Variants in LRRTM4 observed in about 807,000 individuals in gnomAD.
The protein encoded by LRRTM4 is leucine rich repeat transmembrane neuronal 4.
In LRRTM4, 25 loss-of-function variants were observed where a neutral mutation model predicts 47.6. The ratio of observed to expected loss-of-function variants is 0.53; its 90% CI spans 0.38 to 0.73. LRRTM4 has a LOEUF of 0.73. Ranked by LOEUF, LRRTM4 falls within the 30% of genes least tolerant of loss-of-function variation. The pLI, the probability that LRRTM4 is intolerant of heterozygous loss-of-function variation, is 0.00. For synonymous variants in LRRTM4, 311 were observed against 269.5 expected, an observed-to-expected ratio of 1.15 and a Z score of -1.51; for missense variants, 638 against 713.4, an observed-to-expected ratio of 0.89 and a Z score of 1.20.
chr2:77,254,198 C>T (rs1426797793), intron 3 of LRRTM4, among the ~76,000 whole-genome samples: 1 of 151,610 alleles, frequency 6.6e-6, no homozygotes, highest in Non-Finnish European at 1.5e-5. Context: ...GATAAACATT[C>T]AAATGGCAGT....
chr2:77,156,099 T>A (rs2103795858), intron 3 of LRRTM4, among the ~76,000 whole-genome samples: 1 of 152,128 alleles, frequency 6.6e-6, no homozygotes, highest in Non-Finnish European at 1.5e-5. Context: ...GTAAATAAAG[T>A]ACTCTGAAAG....
At chr2:76,840,588 A>G (rs1245649267) in intron 3 of LRRTM4, among the ~76,000 whole-genome samples, 1 of 152,200 alleles carries the variant, frequency 6.6e-6, no homozygotes, top group African/African-American at 2.4e-5. Flanking sequence ...AACGAAGTCA[A>G]AAAGACTTAA....
intron 3 of LRRTM4, among the ~76,000 whole-genome samples, chr2:77,473,514 G>A (rs1410783437): frequency 6.6e-6 from 1 of 152,006 alleles, no homozygotes; most frequent in African/African-American, 2.4e-5. Context: ...CTAGAAATGA[G>A]CGGGGCTGGT....
intron 3 of LRRTM4, among the ~76,000 whole-genome samples, chr2:77,510,348 G>A (rs959353428): frequency 1.3e-5 from 2 of 152,066 alleles, no homozygotes; most frequent in African/African-American, 2.4e-5. Context: ...TCAGGAAGGA[G>A]GGAAGAATTG....
chr2:77,114,336 G>T (rs1227470983), intron 3 of LRRTM4, among the ~76,000 whole-genome samples: 1 of 152,080 alleles, frequency 6.6e-6, no homozygotes, highest in Non-Finnish European at 1.5e-5. Context: ...CCTGAATACG[G>T]TAACATATTT....
At chr2:76,813,305 G>A (rs777215278) in intron 3 of LRRTM4, among the ~76,000 whole-genome samples, 15 of 152,118 alleles carry the variant, frequency 9.9e-5, no homozygotes, top group Non-Finnish European at 1.5e-4. Context: ...TAAATCATCA[G>A]GAGTGGTATA....
chr2:77,060,255 A>G (rs540969090), intron 3 of LRRTM4, among the ~76,000 whole-genome samples: 1 of 152,310 alleles, frequency 6.6e-6, no homozygotes, highest in South Asian at 2.1e-4. Context: ...TAACTTAGAT[A>G]GTTATTGATG....
intron 3 of LRRTM4, among the ~76,000 whole-genome samples, chr2:77,073,058 T>G (rs1680214464): frequency 6.6e-6 from 1 of 152,146 alleles, no homozygotes; most frequent in Non-Finnish European, 1.5e-5. Context: ...AATATCAATC[T>G]GCATCCCAGA....
chr2:76,948,682 G>T lies in LRRTM4; in HGVS notation c.1552-199766C>A, dbSNP rs377692222. 5.3e-5 allele frequency among the ~76,000 whole-genome samples: 8 copies of T among 151,816 alleles called. No homozygotes were observed. The South Asian group carries it at 1.2e-3, about 24-fold the overall frequency. On this transcript the variant is annotated intron_variant, in intron 3 of 3. Transcript: ENST00000409884. ...ATTGCTGCGCCACTGAATTTCAAAA[G>T]AATTCATTATGATTAATAATATTAC... is the stretch of plus-strand genomic sequence containing the variant.
intron 3 of LRRTM4, among the ~76,000 whole-genome samples, chr2:76,957,161 A>G (rs1020433149): frequency 5.3e-5 from 8 of 151,750 alleles, no homozygotes; most frequent in Admixed American, 1.3e-4. Flanking sequence ...TACCAGTGAT[A>G]GAAGGACAAA....
At chr2:77,293,137 T>C (rs1452133286) in intron 3 of LRRTM4, among the ~76,000 whole-genome samples, 1 of 152,068 alleles carries the variant, frequency 6.6e-6, no homozygotes, top group African/African-American at 2.4e-5. Flanking sequence ...GAAAGTAGAA[T>C]GAAAATGTAT....
intron 3 of LRRTM4, among the ~76,000 whole-genome samples, chr2:76,889,282 T>C (rs1475695689): frequency 6.6e-6 from 1 of 151,966 alleles, no homozygotes; most frequent in African/African-American, 2.4e-5. Context: ...CACAAATCTC[T>C]AAACTAGAGG....
At chr2:77,287,128 G>A (rs1389065311) in intron 3 of LRRTM4, among the ~76,000 whole-genome samples, 1 of 151,984 alleles carries the variant, frequency 6.6e-6, no homozygotes, top group East Asian at 1.9e-4. Flanking sequence ...TGGAAATGTG[G>A]GTTACACAAC....
At chr2:77,216,025 C>G (rs1674426828) in intron 3 of LRRTM4, among the ~76,000 whole-genome samples, 1 of 152,086 alleles carries the variant, frequency 6.6e-6, no homozygotes, top group African/African-American at 2.4e-5. Flanking sequence ...TAGAGCTGGT[C>G]TAAGAAGAAA....
Position 76,994,584 on chromosome 2 carries a change from G to A in LRRTM4, c.1552-245668C>T, listed in dbSNP as rs1381735158. Among the ~76,000 whole-genome samples the A allele has an allele frequency of 2.6e-5, 4 of 151,962 alleles. No individual in the cohort carries two copies. In the East Asian group the frequency reaches 5.8e-4, roughly 22 times the overall value. ...TTGTGGCAGGCTAACCTATTTGCTT[G>A]TAAATAGGATAAAATTTCAAATCCT... On this transcript the variant is annotated intron_variant, in intron 3 of 3. Transcript: ENST00000409884.
chr2:76,917,547 T>G (rs776577455), intron 3 of LRRTM4, among the ~76,000 whole-genome samples: 17 of 152,122 alleles, frequency 1.1e-4, no homozygotes, highest in Non-Finnish European at 2.2e-4. Context: ...TTAATGTGCG[T>G]ATATCACCAT....
intron 3 of LRRTM4, among the ~76,000 whole-genome samples, chr2:77,489,921 C>T (rs1678070976): frequency 6.6e-6 from 1 of 152,106 alleles, no homozygotes; most frequent in South Asian, 2.1e-4. Flanking sequence ...TAGAAAGATC[C>T]AGAAGTCATA....
intron 3 of LRRTM4, among the ~76,000 whole-genome samples, chr2:76,795,371 T>A (rs948461891): frequency 6.6e-6 from 1 of 152,158 alleles, no homozygotes; most frequent in Non-Finnish European, 1.5e-5. Context: ...TAACCAACTT[T>A]ATATAAGACA....
At chr2:77,435,428 C>CCTAT (rs1558742224) in intron 3 of LRRTM4, among the ~76,000 whole-genome samples, 2 of 152,136 alleles carry the variant, frequency 1.3e-5, no homozygotes, top group Non-Finnish European at 2.9e-5. Flanking sequence ...CTTAGCTAAA[C>CCTAT]ATTCTTAGGT....
Sources: allele counts gnomAD v4.1 joint callset (sites outside exome capture counted in the v4.1 genomes callset), GRCh38; gene constraint gnomAD v4.1.1; transcripts MANE v1.5; gene names NCBI Gene and HGNC (gene_info 2026-07-23, HGNC 2026-07-21).